The following FTO variants were observed in gnomAD, a reference collection of about 807,000 sequenced individuals.
FTO encodes the protein FTO alpha-ketoglutarate dependent dioxygenase, also known as alpha-ketoglutarate-dependent dioxygenase FTO.
A neutral mutation model predicts 63.9 loss-of-function variants in FTO; 47 were observed. The ratio of observed to expected loss-of-function variants is 0.74; its 90% CI spans 0.58 to 0.94. The LOEUF (loss-of-function observed/expected upper bound fraction) is 0.94. Ranked by LOEUF, FTO falls within the 40% of genes least tolerant of loss-of-function variation. The pLI is 0.00. For synonymous variants in FTO, 207 were observed against 224.4 expected, an observed-to-expected ratio of 0.92 and a Z score of 0.69; for missense variants, 562 against 618.1, an observed-to-expected ratio of 0.91 and a Z score of 0.96.
chr16:53,952,677 G>A (rs1264433878), intron 8 of FTO, among the ~76,000 whole-genome samples: 1 of 152,186 alleles, frequency 6.6e-6, no homozygotes, highest in Non-Finnish European at 1.5e-5. Context: ...GTTAACCTAT[G>A]AAAATTAACC....
At chr16:53,850,852 T>A (rs12447993) in intron 4 of FTO, among the ~76,000 whole-genome samples, 32,338 of 152,024 alleles carry the variant, frequency 0.21, 3,676 homozygotes, top group East Asian at 0.33. Flanking sequence ...TGGTTGCACA[T>A]CTCTGAACGT....
chr16:54,057,278 G>A (rs1232722647), intron 8 of FTO, among the ~76,000 whole-genome samples: 3 of 152,206 alleles, frequency 2.0e-5, no homozygotes, highest in African/African-American at 7.2e-5. Flanking sequence ...TCCTTATGGA[G>A]CTGGCTGACC....
In FTO at chr16:53,910,373, C is replaced by T. The variant is rs530597702; in HGVS notation, c.1239+21422C>T. 5.3e-5 allele frequency among the ~76,000 whole-genome samples: 8 copies of T among 152,144 alleles called. No homozygotes were observed. The South Asian group carries it at 6.2e-4, about 12-fold the overall frequency. On this transcript the variant is annotated intron_variant, in intron 7 of 8. Coordinates refer to ENST00000471389, the MANE Select transcript of FTO (RefSeq NM_001080432.3). ...TTTTTGAGTAGGAAAGTGATCCAAT[C>T]GACCCATTCTTCAAAATTAGAACTG...
chr16:53,986,454 T>C (rs1258671504), intron 8 of FTO, among the ~76,000 whole-genome samples: 2 of 152,212 alleles, frequency 1.3e-5, no homozygotes, highest in African/African-American at 2.4e-5. Flanking sequence ...TCCCAAACTC[T>C]GGATCCTTCT....
intron 4 of FTO, among the ~76,000 whole-genome samples, chr16:53,856,707 G>A (rs958708593): frequency 1.5e-4 from 20 of 131,142 alleles, no homozygotes; most frequent in Non-Finnish European, 2.5e-4. Context: ...CTGAGATCGC[G>A]CCACTACACT....
At chr16:53,800,871 T>C (rs1238110235) in intron 1 of FTO, among the ~76,000 whole-genome samples, 1 of 152,082 alleles carries the variant, frequency 6.6e-6, no homozygotes, top group Non-Finnish European at 1.5e-5. Context: ...TGCAGTAGAA[T>C]GTACATAACA....
At chr16:53,776,925 A>T (rs901935474) in intron 1 of FTO, among the ~76,000 whole-genome samples, 3 of 152,142 alleles carry the variant, frequency 2.0e-5, no homozygotes, top group African/African-American at 7.2e-5. Context: ...GATAGCTTCT[A>T]TTTTAAAACA....
intron 8 of FTO, among the ~76,000 whole-genome samples, chr16:54,058,242 G>T (rs2085484713): frequency 6.6e-6 from 1 of 152,078 alleles, no homozygotes; most frequent in African/African-American, 2.4e-5. Context: ...CTCCCAAGTA[G>T]CTGGGACTAC....
intron 8 of FTO, among the ~76,000 whole-genome samples, chr16:54,048,456 G>C (rs903328000): frequency 1.3e-5 from 2 of 152,074 alleles, no homozygotes; most frequent in Non-Finnish European, 2.9e-5. Flanking sequence ...CCAACGCTGT[G>C]CAAGCCATAA....
intron 7 of FTO, among the ~76,000 whole-genome samples, chr16:53,921,958 G>C (rs1391168375): frequency 1.3e-5 from 2 of 152,108 alleles, no homozygotes; most frequent in African/African-American, 4.8e-5. Flanking sequence ...TAAAGAATTA[G>C]CATGCTAAGT....
Position 53,943,047 on chromosome 16 carries a change from C to T in FTO, c.1364+8938C>T, listed in dbSNP as rs568732059. Among the ~76,000 whole-genome samples the T allele has an allele frequency of 7.2e-5, 11 of 152,254 alleles. No homozygotes were observed. In the South Asian group the frequency reaches 1.7e-3, roughly 23 times the overall value. On this transcript the variant is annotated intron_variant, in intron 8 of 8. Coordinates refer to ENST00000471389, the MANE Select transcript of FTO (RefSeq NM_001080432.3). ...GTCTTTTTTAAGACATCTGTCCCTT[C>T]GCTTTTAATAATTACAGTCTCTGCT...
At chr16:53,941,097 C>T (rs1255945722) in intron 8 of FTO, among the ~76,000 whole-genome samples, 1 of 152,206 alleles carries the variant, frequency 6.6e-6, no homozygotes, top group Non-Finnish European at 1.5e-5. Flanking sequence ...GAGGTGTTCT[C>T]CACCGGTATC....
At position 53,793,590 on chromosome 16, in the gene FTO, A is replaced by G. The variant is rs188120861; in HGVS notation, c.46-16550A>G. 2.3e-3 allele frequency among the ~76,000 whole-genome samples: 354 copies of G among 152,340 alleles called. 1 individual carries two copies. Among genetic ancestry groups the G allele is most frequent in the African/African-American group, 8.1e-3 (338 of 41,580 alleles). On this transcript the variant is annotated intron_variant, in intron 1 of 8. Coordinates refer to ENST00000471389, the MANE Select transcript of FTO (RefSeq NM_001080432.3). ...TTAGGGAGTACATTTTAAAAGTGCTAGAAAATATAATATTACAGCTTGAAT... is the reference window on the plus strand; with the variant it reads ...TTAGGGAGTACATTTTAAAAGTGCTGGAAAATATAATATTACAGCTTGAAT...
At chr16:54,019,683 C>G (rs2144137093) in intron 8 of FTO, among the ~76,000 whole-genome samples, 1 of 152,280 alleles carries the variant, frequency 6.6e-6, no homozygotes, top group African/African-American at 2.4e-5. Context: ...GGAGAGCTGG[C>G]TTTCCTCTTT....
intron 8 of FTO, among the ~76,000 whole-genome samples, chr16:54,010,025 C>G (rs2084301090): frequency 6.6e-6 from 1 of 152,160 alleles, no homozygotes; most frequent in Non-Finnish European, 1.5e-5. Flanking sequence ...CCCTAAAAGA[C>G]AGAGGAACAT....
chr16:53,829,823 G>T (rs564129342), intron 3 of FTO, among the ~76,000 whole-genome samples: 21 of 152,210 alleles, frequency 1.4e-4, no homozygotes, highest in African/African-American at 4.8e-4. Context: ...AGAGACTTTT[G>T]AAATCACTTG....
intron 8 of FTO, among the ~76,000 whole-genome samples, chr16:54,001,280 C>T (rs1168571620): frequency 6.6e-6 from 1 of 152,126 alleles, no homozygotes; most frequent in South Asian, 2.1e-4. Flanking sequence ...TAGTTTTTTC[C>T]GTGCCATTCT....
At chr16:54,059,479 C>G (rs530472686) in intron 8 of FTO, among the ~76,000 whole-genome samples, 4 of 152,102 alleles carry the variant, frequency 2.6e-5, no homozygotes, top group Non-Finnish European at 4.4e-5. Context: ...TTGCTGAGCC[C>G]ATATTCATCA....
chr16:53,811,135 G>A (rs1272307339), intron 2 of FTO, among the ~76,000 whole-genome samples: 1 of 152,162 alleles, frequency 6.6e-6, no homozygotes, highest in East Asian at 1.9e-4. Context: ...TGGAGTGAGA[G>A]TACTCCCACC....
Sources: allele counts gnomAD v4.1 joint callset (sites outside exome capture counted in the v4.1 genomes callset), GRCh38; gene constraint gnomAD v4.1.1; transcripts MANE v1.5; gene names NCBI Gene and HGNC (gene_info 2026-07-23, HGNC 2026-07-21).